Variants in JOSD1 observed in about 807,000 individuals in gnomAD.
The protein encoded by JOSD1 is josephin-1.
In JOSD1, 11 loss-of-function variants were observed where a neutral mutation model predicts 24.3. The ratio of observed to expected loss-of-function variants is 0.45; its 90% CI spans 0.29 to 0.75. The LOEUF (loss-of-function observed/expected upper bound fraction) is 0.75, where lower values mean the gene tolerates loss of function less well. Ranked by LOEUF, JOSD1 falls within the 30% of genes least tolerant of loss-of-function variation. The pLI is 0.11. For missense variants in JOSD1, 184 were observed against 253.5 expected (o/e 0.73, Z 1.86); for synonymous variants, 106 against 93.8 (o/e 1.13, Z -0.75).
rs1603149488 is a variant in JOSD1 at position 38,700,821 on chromosome 22, G to A, written c.-653C>T. The A allele has an allele frequency of 1.0e-6, 1 of 984,826 alleles. No homozygotes were observed. Among genetic ancestry groups the A allele is most frequent in the Non-Finnish European group, 1.2e-6 (1 of 829,756 alleles). 61.0% of individuals were successfully genotyped at this position (984,826 alleles called of 1,614,324 possible). A position where few individuals can be genotyped will look rare whatever the true frequency, so the allele number is the denominator to read the frequency against. On this transcript the variant is annotated 5_prime_UTR_variant, in exon 1 of 5. Transcript: ENST00000683374. ...AAACCTCCCCGCCCGTCACGTGAGC[G>A]CAGGCCCAGACGCCCTCCCGCCGCG...
At position 38,689,416 on chromosome 22, in the gene JOSD1, G is replaced by A. The variant is rs1228299099; in HGVS notation, c.194C>T (p.Pro65Leu). The change falls in exon 3 of 5, where the codon CCA (proline) becomes CTA (leucine). Residue 65 changes from proline (P) to leucine (L), a missense_variant. By Grantham distance (98) the Pro-to-Leu change is moderately conservative (BLOSUM62 -3). Coordinates refer to ENST00000683374, the MANE Select transcript of JOSD1 (RefSeq NM_001360236.2). The part of the protein sequence containing the change: ...TLQEIFQRLS[P>L]NTMVTPHKKS... ...CTTGTGAGGTGTCACCATGGTGTTT[G>A]GAGACAACCTACCAATGTGAAAAGA... 26 of 1,614,032 alleles carry A rather than the reference G, an allele frequency of 1.6e-5. No individual in the cohort carries two copies. The highest frequency in any genetic ancestry group is 2.2e-5 in the Non-Finnish European group (26 of 1,180,030).
chr22:38,700,740 G>A (rs1053647487), intron 1 of JOSD1, 60 bp downstream of exon 1: 11 of 981,584 alleles, frequency 1.1e-5, no homozygotes, highest in Non-Finnish European at 1.3e-5. Context: ...GGGTGGGGCC[G>A]GACAGTCAGC....
Position 38,700,445 on chromosome 22 carries a change from C to A in JOSD1, c.-458G>T. 1.0e-6 allele frequency: 1 copy of A among 986,914 alleles called. No homozygotes were observed. Among genetic ancestry groups the A allele is most frequent in the East Asian group, 1.1e-4 (1 of 8,810 alleles). The allele number at this position is 986,914 out of a possible 1,614,324, so 61.1% of individuals were successfully genotyped here. ...ACGCCAATGACTCGGGAGACAAGGCCTGGGTGACGGATAAATTTAGCGCAC... is the reference window on the plus strand; with the variant it reads ...ACGCCAATGACTCGGGAGACAAGGCATGGGTGACGGATAAATTTAGCGCAC... On this transcript the variant is annotated 5_prime_UTR_variant, in exon 2 of 5. In the 5' UTR this introduces an upstream ATG that the reference lacks. Transcript: ENST00000683374.
intron 1 of JOSD1, 62 bp from the exon 2 acceptor site, chr22:38,700,680 CG>C (rs1745956702): frequency 4.1e-6 from 4 of 978,200 alleles, no homozygotes; most frequent in African/African-American, 1.7e-5. Context: ...GCGGCGGGGC[CG>C]GCCCCTGCCC....
chr22:38,701,036 TC>T, upstream of JOSD1: 1 of 949,380 alleles, frequency 1.1e-6, no homozygotes, highest in Non-Finnish European at 1.3e-6. Context: ...TCCTCACTCC[TC>T]CCAGCCGTGG....
At chr22:38,696,955 C>G (rs1361468365) in intron 2 of JOSD1, among the ~76,000 whole-genome samples, 2 of 152,214 alleles carry the variant, frequency 1.3e-5, no homozygotes, top group Non-Finnish European at 2.9e-5. Context: ...ATTCACTAGC[C>G]ACACTTTTAA....
At chr22:38,689,990 T>C (rs1203283792) in intron 2 of JOSD1, among the ~76,000 whole-genome samples, 1 of 150,282 alleles carries the variant, frequency 6.7e-6, no homozygotes, top group Non-Finnish European at 1.5e-5. Context: ...ATAAATCAAC[T>C]GAAAAAAAAT....
chr22:38,690,990 G>C (rs773060537), intron 2 of JOSD1, among the ~76,000 whole-genome samples: 2 of 152,142 alleles, frequency 1.3e-5, no homozygotes, highest in Non-Finnish European at 2.9e-5. Flanking sequence ...GCAGAGGCTG[G>C]ATGTCACCAC....
rs1446142585 is a variant in JOSD1, at chr22:38,699,742, G to A, written c.185+61C>T. On this transcript the variant is annotated intron_variant, in intron 2 of 4. Coordinates refer to ENST00000683374, the MANE Select transcript of JOSD1 (RefSeq NM_001360236.2). ...TGAAGGTTTATGAAGCTGAGACACT[G>A]CCCCACCCACAGAAATCCAGAAATA... The A allele has an allele frequency of 6.0e-6, 9 of 1,510,090 alleles. No individual in the cohort carries two copies. In the East Asian group the frequency reaches 1.8e-4, roughly 30 times the overall value. The allele number at this position is 1,510,090 out of a possible 1,614,324, so 93.5% of individuals were successfully genotyped here.
At chr22:38,695,693 C>T (rs1328916480) in intron 2 of JOSD1, among the ~76,000 whole-genome samples, 3 of 152,070 alleles carry the variant, frequency 2.0e-5, no homozygotes, top group Non-Finnish European at 4.4e-5. Context: ...GCCATCCACC[C>T]AACTCGGCCT....
At chr22:38,690,234 G>A (rs1286256979) in intron 2 of JOSD1, among the ~76,000 whole-genome samples, 2 of 152,050 alleles carry the variant, frequency 1.3e-5, no homozygotes, top group South Asian at 2.1e-4. Context: ...AGGGGAGAAA[G>A]GGAAGTGTGG....
In JOSD1 at chr22:38,700,217, G is replaced by C. The variant is rs1037274068; in HGVS notation, c.-230C>G. 6.6e-6 allele frequency: 8 copies of C among 1,217,500 alleles called. No homozygotes were observed. In the African/African-American group the frequency reaches 7.9e-5, roughly 12 times the overall value. 75.4% of individuals were successfully genotyped at this position (1,217,500 alleles called of 1,614,324 possible). On this transcript the variant is annotated 5_prime_UTR_variant, in exon 2 of 5. Transcript: ENST00000683374. ...ATAACTTTTGGATTACTTTTATTTT[G>C]CTACCACTGTCAAAGTGCAGAATTT...
rs1401670990 is a variant in JOSD1, at chr22:38,687,935, T to C, written c.576A>G (p.Val192=). The C allele has an allele frequency of 1.9e-6, 3 of 1,613,944 alleles. No homozygotes were observed. In the South Asian group the frequency reaches 3.3e-5, roughly 18 times the overall value. The change falls in exon 5 of 5, where the codon GTA becomes GTG. Residue 192 remains valine (V), a synonymous_variant. Transcript: ENST00000683374. Reference sequence around the variant, plus strand: ...CGGTCCTCCAACTCTGATGAGCCTCTACCTCTTCTGGTACCACCAGCAGGA... The same window carrying C: ...CGGTCCTCCAACTCTGATGAGCCTCCACCTCTTCTGGTACCACCAGCAGGA... ...CELLLVVPEE[V]EAHQSWRTDV is the part of the protein sequence containing the mutation.
At chr22:38,690,010 G>A (rs371948880) in intron 2 of JOSD1, among the ~76,000 whole-genome samples, 84 of 150,938 alleles carry the variant, frequency 5.6e-4, no homozygotes, top group African/African-American at 2.0e-3. Flanking sequence ...TTTGTGCCAG[G>A]CAAACAAAAC....
intron 2 of JOSD1, among the ~76,000 whole-genome samples, chr22:38,695,737 A>G (rs562656325): frequency 6.7e-6 from 1 of 149,674 alleles, no homozygotes; most frequent in East Asian, 2.1e-4. Context: ...ATAAGCCACC[A>G]AGCCCAGCCG....
chr22:38,689,474 CCT>C, intron 2 of JOSD1, 50 bp from the exon 3 acceptor site: 1 of 1,607,748 alleles, frequency 6.2e-7, no homozygotes, highest in East Asian at 2.2e-5. Flanking sequence ...GCCTGAACCC[CCT>C]GACCCCGCAC....
At chr22:38,701,154 G>T, upstream of JOSD1, 1 of 224,860 alleles carries the variant, frequency 4.4e-6, no homozygotes, top group Non-Finnish European at 7.4e-6. Context: ...AAGGCCGTGG[G>T]TGTGGGGCTG....
rs1398062576 is a variant in JOSD1, at chr22:38,685,768, C to G, written c.*2134G>C. 1 of 152,666 alleles carries G rather than the reference C, an allele frequency of 6.6e-6. No homozygotes were observed. The highest frequency in any genetic ancestry group is 1.5e-5 in the Non-Finnish European group (1 of 68,042). The allele number at this position is 152,666 out of a possible 1,614,324, so 9.5% of individuals were successfully genotyped here. ...ATTGGGCATCAGGGTCAGGCCTGTT[C>G]ACTTCCTTAAAGGAAGTGGGGCTTT... On this transcript the variant is annotated 3_prime_UTR_variant, in exon 5 of 5. Coordinates refer to ENST00000683374, the MANE Select transcript of JOSD1 (RefSeq NM_001360236.2).
upstream of JOSD1, chr22:38,700,975 A>T (rs954642446): frequency 1.3e-5 from 13 of 984,534 alleles, no homozygotes; most frequent in African/African-American, 2.1e-4. Flanking sequence ...CCTGAGCCCG[A>T]CGTCAGCGGC....
Sources: allele counts gnomAD v4.1 joint callset (sites outside exome capture counted in the v4.1 genomes callset), GRCh38; gene constraint gnomAD v4.1.1; transcripts MANE v1.5; gene names NCBI Gene and HGNC (gene_info 2026-07-23, HGNC 2026-07-21).